The following PPP2R3A variants were observed in gnomAD, a reference collection of about 807,000 sequenced individuals.
PPP2R3A encodes the protein serine/threonine-protein phosphatase 2A regulatory subunit B'' subunit alpha.
In PPP2R3A, 80 loss-of-function variants were observed where a neutral mutation model predicts 106.9. The observed-to-expected ratio is 0.75, with a 90% CI of 0.62 to 0.90. The LOEUF is 0.90. Among genes scored for constraint, PPP2R3A ranks in the 40% least tolerant of loss-of-function variants. PPP2R3A has a pLI of 0.00. For missense variants in PPP2R3A, 1,386 were observed against 1,350.4 expected (o/e 1.03, Z -0.41); for synonymous variants, 483 against 468.3 (o/e 1.03, Z -0.41).
At chr3:136,083,144 G>A (rs976927735) in intron 8 of PPP2R3A, among the ~76,000 whole-genome samples, 2 of 152,094 alleles carry the variant, frequency 1.3e-5, no homozygotes, top group Non-Finnish European at 2.9e-5. Context: ...CCCCTAAGTA[G>A]CTGGGACTAC....
chr3:135,996,896 T>G (rs963713338), intron 1 of PPP2R3A, among the ~76,000 whole-genome samples: 1 of 152,210 alleles, frequency 6.6e-6, no homozygotes, highest in Admixed American at 6.5e-5. Context: ...TGAGAAAAAT[T>G]GAACCTGTCA....
At chr3:136,134,383 GAATTGTGTA>G (rs2108022429) in intron 13 of PPP2R3A, among the ~76,000 whole-genome samples, 1 of 152,254 alleles carries the variant, frequency 6.6e-6, no homozygotes, top group African/African-American at 2.4e-5. Flanking sequence ...AATTTGGATA[GAATTGTGTA>G]ATCTAAACAA....
intron 4 of PPP2R3A, among the ~76,000 whole-genome samples, chr3:136,046,399 AGCCGAGGTT>A (rs1322990922): frequency 6.6e-6 from 1 of 151,894 alleles, no homozygotes; most frequent in African/African-American, 2.4e-5. Context: ...GGTTGCAGTG[AGCCGAGGTT>A]GCGCTGTTGC....
At chr3:136,003,566 A>G (rs928875487) in intron 2 of PPP2R3A, 73 bp downstream of exon 2, 13 of 1,408,974 alleles carry the variant, frequency 9.2e-6, no homozygotes, top group Non-Finnish European at 1.2e-5. Flanking sequence ...TATAAAGAAA[A>G]ACTTTTTTGT....
chr3:136,010,714 C>T (rs970737614), intron 2 of PPP2R3A, among the ~76,000 whole-genome samples: 5 of 152,226 alleles, frequency 3.3e-5, no homozygotes, highest in African/African-American at 1.2e-4. Flanking sequence ...GCGTGAGCCA[C>T]CGCGCCCATC....
chr3:136,051,705 A>G (rs1363298847), intron 5 of PPP2R3A, among the ~76,000 whole-genome samples: 2 of 152,224 alleles, frequency 1.3e-5, no homozygotes, highest in Non-Finnish European at 2.9e-5. Flanking sequence ...GTCCTAGTCA[A>G]TGAATTTTCA....
chr3:136,104,328 C>T (rs993201433), intron 12 of PPP2R3A, among the ~76,000 whole-genome samples: 2 of 145,508 alleles, frequency 1.4e-5, no homozygotes, highest in African/African-American at 5.4e-5. Context: ...GTGTGTGTGA[C>T]AGAGTTTCGC....
intron 13 of PPP2R3A, among the ~76,000 whole-genome samples, chr3:136,143,733 A>G (rs1335541190): frequency 1.3e-5 from 2 of 151,688 alleles, no homozygotes; most frequent in South Asian, 2.1e-4. Flanking sequence ...AGAGGTTGCA[A>G]TGAGCCAAGA....
At chr3:136,045,457 C>T (rs1156601984) in intron 4 of PPP2R3A, among the ~76,000 whole-genome samples, 2 of 152,332 alleles carry the variant, frequency 1.3e-5, no homozygotes, top group Non-Finnish European at 1.5e-5. Context: ...GATTAATGGG[C>T]TGGCACAGGA....
intron 4 of PPP2R3A, 87 bp downstream of exon 4, chr3:136,041,049 A>G: frequency 9.5e-7 from 1 of 1,054,598 alleles, no homozygotes. Context: ...TATTTTACTC[A>G]TTTATACATT....
chr3:136,143,518 A>G (rs1938964492), intron 13 of PPP2R3A, among the ~76,000 whole-genome samples: 1 of 151,898 alleles, frequency 6.6e-6, no homozygotes, highest in Non-Finnish European at 1.5e-5. Context: ...GACTGGGCGC[A>G]GTGGCTCATG....
At chr3:135,986,603 C>G (rs1413837915) in intron 1 of PPP2R3A, among the ~76,000 whole-genome samples, 1 of 152,050 alleles carries the variant, frequency 6.6e-6, no homozygotes, top group East Asian at 1.9e-4. Flanking sequence ...CCTCCCCACT[C>G]TTCGCTCTCA....
intron 13 of PPP2R3A, among the ~76,000 whole-genome samples, chr3:136,124,152 G>A (rs1020825487): frequency 1.3e-5 from 2 of 152,148 alleles, no homozygotes; most frequent in Non-Finnish European, 2.9e-5. Flanking sequence ...AAACCACAGG[G>A]AAATTCAAAA....
In PPP2R3A at chr3:136,090,587, A is replaced by T. The variant is rs1270967924; in HGVS notation, c.2847A>T (p.Thr949=). 1.2e-6 allele frequency: 2 copies of T among 1,613,310 alleles called. No individual in the cohort carries two copies. Among genetic ancestry groups the T allele is most frequent in the Non-Finnish European group, 1.7e-6 (2 of 1,179,502 alleles). The part of the protein sequence containing the change: ...IFSGAVTRGK[T]IQKEGRMSYA... ...CATGTGTTTTCTTTAGGGGAAAAAC[A>T]ATACAGAAAGAGGGAAGAATGAGCT... The change falls in exon 10 of 14, where the codon ACA becomes ACT. Residue 949 remains threonine (T), a synonymous_variant. Transcript: ENST00000264977.
intron 2 of PPP2R3A, chr3:136,022,661 T>A: frequency 1.5e-6 from 1 of 660,492 alleles, no homozygotes; most frequent in Non-Finnish European, 1.9e-6. Flanking sequence ...GAAGTTAGCA[T>A]TATCTGAGAA....
chr3:136,138,302 C>T (rs1178794713), intron 13 of PPP2R3A, among the ~76,000 whole-genome samples: 1 of 152,142 alleles, frequency 6.6e-6, no homozygotes, highest in African/African-American at 2.4e-5. Flanking sequence ...TGAATTCAGA[C>T]CGCGTCCTTC....
chr3:136,145,203 T>C lies in PPP2R3A; in HGVS notation c.*37T>C, dbSNP rs556734595. ...TACAATGAAACGAAGATGTGTATTT[T>C]AAATGTTTCTTTCTTGTGAAGAGAT... On this transcript the variant is annotated 3_prime_UTR_variant, in exon 14 of 14. Coordinates refer to ENST00000264977, the MANE Select transcript of PPP2R3A (RefSeq NM_002718.5). 1.3e-6 allele frequency: 2 copies of C among 1,578,874 alleles called. No homozygotes were observed. Among genetic ancestry groups the C allele is most frequent in the South Asian group, 2.3e-5 (2 of 85,208 alleles).
intron 6 of PPP2R3A, among the ~76,000 whole-genome samples, chr3:136,071,114 G>A (rs13092707): frequency 0.33 from 50,694 of 152,158 alleles, 9,137 homozygotes; most frequent in African/African-American, 0.48. Flanking sequence ...CACAGGGCAC[G>A]GAGTAGCCAT....
chr3:135,999,369 C>T (rs537500038), intron 1 of PPP2R3A, among the ~76,000 whole-genome samples: 12 of 152,234 alleles, frequency 7.9e-5, no homozygotes, highest in African/African-American at 2.9e-4. Context: ...TTCTCTTAGA[C>T]GCAGGACTGC....
Sources: allele counts gnomAD v4.1 joint callset (sites outside exome capture counted in the v4.1 genomes callset), GRCh38; gene constraint gnomAD v4.1.1; transcripts MANE v1.5; gene names NCBI Gene and HGNC (gene_info 2026-07-23, HGNC 2026-07-21).